Variants in SPON1 observed in about 807,000 individuals in gnomAD.
SPON1 encodes spondin-1.
A neutral mutation model predicts 111.7 loss-of-function variants in SPON1; 52 were observed. The ratio of observed to expected loss-of-function variants is 0.47; its 90% confidence interval spans 0.37 to 0.59. The LOEUF is 0.59. Ranked by LOEUF, SPON1 falls within the 20% of genes least tolerant of loss-of-function variation. SPON1 has a pLI of 0.00. For missense variants in SPON1, 957 were observed against 1,068.5 expected (o/e 0.90, Z 1.46); for synonymous variants, 410 against 395.8 (o/e 1.04, Z -0.43).
intron 5 of SPON1, among the ~76,000 whole-genome samples, chr11:14,096,141 C>T (rs111340979): frequency 1.3e-5 from 2 of 152,148 alleles, no homozygotes; most frequent in African/African-American, 4.8e-5. Context: ...CCCTTTTTCT[C>T]TTGCCTTCCT....
At chr11:14,102,202 A>T (rs1849148971) in intron 5 of SPON1, among the ~76,000 whole-genome samples, 1 of 152,152 alleles carries the variant, frequency 6.6e-6, no homozygotes, top group Admixed American at 6.5e-5. Context: ...TATACCTCTC[A>T]TGTTCTCCAA....
At chr11:14,172,803 G>A (rs1287021012) in intron 6 of SPON1, among the ~76,000 whole-genome samples, 1 of 151,926 alleles carries the variant, frequency 6.6e-6, no homozygotes, top group Non-Finnish European at 1.5e-5. Context: ...TTTTCTTTAA[G>A]AATGTTGAAT....
At chr11:14,019,452 A>G (rs1848465525) in intron 2 of SPON1, among the ~76,000 whole-genome samples, 1 of 151,358 alleles carries the variant, frequency 6.6e-6, no homozygotes, top group Admixed American at 6.6e-5. Flanking sequence ...TAGGTTCTAG[A>G]TCATAACAGG....
chr11:14,259,332 C>G lies in SPON1; in HGVS notation c.1545C>G (p.Ile515Met). The change falls in exon 12 of 16, where the codon ATC (isoleucine) becomes ATG (methionine). Residue 515 changes from isoleucine (I) to methionine (M), a missense_variant. Coordinates refer to ENST00000576479, the MANE Select transcript of SPON1 (RefSeq NM_006108.4). This position sits in a 1 kb window ranked among gnomAD's most constrained non-coding sequence, Gnocchi z 5.0. The stretch of plus-strand genomic sequence containing the variant: ...GGATCACCTGGTCGCCCTGCAGCAT[C>G]TCCTGCGGCATGGGCATGAGGTCCC... ...SEWITWSPCS[I>M]SCGMGMRSRE... The G allele has an allele frequency of 6.2e-7, 1 of 1,613,182 alleles. No individual in the cohort carries two copies. Among genetic ancestry groups the G allele is most frequent in the Non-Finnish European group, 8.5e-7 (1 of 1,179,668 alleles).
At chr11:14,220,825 A>T (rs2133906607) in intron 6 of SPON1, among the ~76,000 whole-genome samples, 1 of 152,336 alleles carries the variant, frequency 6.6e-6, no homozygotes, top group East Asian at 1.9e-4. Context: ...ATTACCCATT[A>T]TCTTGGTGAT....
chr11:14,068,700 A>G (rs1848851952), intron 3 of SPON1, among the ~76,000 whole-genome samples: 1 of 152,090 alleles, frequency 6.6e-6, no homozygotes, highest in South Asian at 2.1e-4. Flanking sequence ...CACCTGGTCA[A>G]CCTCATTTCT....
chr11:14,247,151 T>TA (rs1382648696), intron 7 of SPON1, among the ~76,000 whole-genome samples: 5 of 152,186 alleles, frequency 3.3e-5, no homozygotes, highest in African/African-American at 1.2e-4. Flanking sequence ...CTCACACCTG[T>TA]AATCTTAACA....
intron 6 of SPON1, among the ~76,000 whole-genome samples, chr11:14,212,004 CAAGTT>C (rs1360096305): frequency 2.0e-5 from 3 of 151,860 alleles, no homozygotes; most frequent in African/African-American, 4.8e-5. Flanking sequence ...GTATCTTTAT[CAAGTT>C]AAGGTAGTAA....
chr11:13,995,214 T>C (rs79167867), intron 2 of SPON1, among the ~76,000 whole-genome samples: 12,917 of 152,186 alleles, frequency 0.085, 667 homozygotes, highest in South Asian at 0.18. Flanking sequence ...TTTGCTGACA[T>C]GAATTAATGA....
Position 14,160,929 on chromosome 11 carries a change from ATATTTATATATATATT to A in SPON1, c.825+25365_825+25380del, listed in dbSNP as rs1847934998. ...TTTATATATATATTTATATATTTAT[ATATTTATATATATATT>A]TATATATTTATATATATTTATATAT... On this transcript the variant is annotated intron_variant, in intron 6 of 15. Transcript: ENST00000576479. 2.6e-4 allele frequency among the ~76,000 whole-genome samples: 9 copies of A among 34,472 alleles called. 1 individual carries two copies. Among genetic ancestry groups the A allele is most frequent in the East Asian group, 1.7e-3 (1 of 596 alleles). 22.6% of individuals were successfully genotyped at this position (34,472 alleles called of 152,430 possible). A position where few individuals can be genotyped will look rare whatever the true frequency, so the allele number is the denominator to read the frequency against.
At chr11:14,148,473 A>AT (rs1341054980) in intron 6 of SPON1, among the ~76,000 whole-genome samples, 1 of 124,144 alleles carries the variant, frequency 8.1e-6, no homozygotes, top group Non-Finnish European at 1.8e-5. Flanking sequence ...TATAGTTGAA[A>AT]TAAAAAAAAA....
intron 6 of SPON1, among the ~76,000 whole-genome samples, chr11:14,160,498 C>CATATATATTTAT (rs1847906700): frequency 1.9e-3 from 11 of 5,846 alleles, no homozygotes; most frequent in Non-Finnish European, 2.6e-3. Context: ...TATATATTTA[C>CATATATATTTAT]ATATATATAT....
chr11:13,989,734 TG>T (rs1371631800), intron 2 of SPON1, among the ~76,000 whole-genome samples: 3 of 152,342 alleles, frequency 2.0e-5, no homozygotes, highest in East Asian at 3.9e-4. Flanking sequence ...CCAGTGATTC[TG>T]GTATGTTGTG....
At chr11:14,034,048 A>G (rs1848577180) in intron 2 of SPON1, among the ~76,000 whole-genome samples, 1 of 152,222 alleles carries the variant, frequency 6.6e-6, no homozygotes, top group African/African-American at 2.4e-5. Flanking sequence ...GTGGTGGCAT[A>G]TACCTATCAT....
intron 2 of SPON1, among the ~76,000 whole-genome samples, chr11:14,032,998 G>T (rs1564889925): frequency 6.6e-6 from 1 of 152,134 alleles, no homozygotes; most frequent in African/African-American, 2.4e-5. Context: ...TTTGGTCGTG[G>T]TGCCTCAGCA....
At chr11:13,969,138 G>C (rs1390798509) in intron 1 of SPON1, among the ~76,000 whole-genome samples, 1 of 150,828 alleles carries the variant, frequency 6.6e-6, no homozygotes, top group African/African-American at 2.4e-5. Context: ...TCAACACTTT[G>C]GGAGGCTGAG....
At chr11:14,101,832 T>C (rs1162150807) in intron 5 of SPON1, among the ~76,000 whole-genome samples, 1 of 152,222 alleles carries the variant, frequency 6.6e-6, no homozygotes, top group Non-Finnish European at 1.5e-5. Flanking sequence ...TCAACTGTTG[T>C]GGGGGTTTTA....
intron 15 of SPON1, 35 bp from the exon 16 acceptor site, chr11:14,265,486 GTTT>G: frequency 6.3e-7 from 1 of 1,596,138 alleles, no homozygotes; most frequent in South Asian, 1.1e-5. Context: ...GTTCCGTCCC[GTTT>G]CTGCGGGCCT....
At position 14,050,378 on chromosome 11, in the gene SPON1, T is replaced by G. The variant is rs543226792; in HGVS notation, c.479+8724T>G. The stretch of plus-strand genomic sequence containing the variant: ...ATTGCCTGTTTTTGTAAATAAAGTT[T>G]TATTGGAACACAGTTACGTTAATTC... On this transcript the variant is annotated intron_variant, in intron 3 of 15. Coordinates refer to ENST00000576479, the MANE Select transcript of SPON1 (RefSeq NM_006108.4). Among the ~76,000 whole-genome samples the G allele has an allele frequency of 1.2e-4, 18 of 152,276 alleles. No homozygotes were observed. The East Asian group carries it at 3.3e-3, about 28-fold the overall frequency.
Sources: gnomAD v4.1 joint callset for allele counts (sites outside exome capture counted in the v4.1 genomes callset) on GRCh38, gnomAD v4.1.1 for gene constraint, Gnocchi (gnomAD v3.1) non-coding constraint, MANE v1.5 for transcripts, NCBI Gene and HGNC (gene_info 2026-07-23, HGNC 2026-07-21) for gene names.